SULF2: variants seen among roughly 807,000 people sequenced by gnomAD.
SULF2 encodes the protein sulfatase 2, also known as extracellular sulfatase Sulf-2.
SULF2 carries 52 observed loss-of-function variants against 107.7 expected under a neutral mutation model. That is an observed-to-expected ratio of 0.48 (90% confidence interval 0.39 to 0.61). The LOEUF is 0.61. Ranked by LOEUF, SULF2 falls within the 20% of genes least tolerant of loss-of-function variation. The pLI is 0.00. For synonymous variants in SULF2, 460 were observed against 464.3 expected (o/e 0.99, Z 0.12); for missense variants, 993 against 1,177.3 (o/e 0.84, Z 2.29).
chr20:47,731,105 C>A (rs533472546), intron 3 of SULF2, among the ~76,000 whole-genome samples: 49 of 151,960 alleles, frequency 3.2e-4, no homozygotes, highest in Non-Finnish European at 4.1e-4. Context: ...GCCACCATGT[C>A]CAGACCTCCA....
chr20:47,758,630 G>A (rs71351694), intron 1 of SULF2, among the ~76,000 whole-genome samples: 1 of 152,256 alleles, frequency 6.6e-6, no homozygotes, highest in South Asian at 2.1e-4. Flanking sequence ...GGGAGGTGGG[G>A]ACGCGACTCT....
intron 1 of SULF2, among the ~76,000 whole-genome samples, chr20:47,780,833 C>T (rs2122727104): frequency 6.6e-6 from 1 of 152,370 alleles, no homozygotes; most frequent in East Asian, 1.9e-4. Context: ...GGATTATAGG[C>T]ATGAGCCAGC....
At chr20:47,713,580 G>A (rs1246199414) in intron 3 of SULF2, among the ~76,000 whole-genome samples, 3 of 151,854 alleles carry the variant, frequency 2.0e-5, no homozygotes, top group Non-Finnish European at 4.4e-5. Context: ...AAATGAGATT[G>A]TGCATAAAGA....
chr20:47,742,037 G>A (rs540110458), intron 2 of SULF2, among the ~76,000 whole-genome samples: 2 of 152,324 alleles, frequency 1.3e-5, no homozygotes, highest in South Asian at 4.1e-4. Context: ...TGGCGGAGGA[G>A]CGCTGTGTCA....
intron 1 of SULF2, among the ~76,000 whole-genome samples, chr20:47,768,506 C>G (rs531012542): frequency 1.1e-3 from 169 of 152,352 alleles, no homozygotes; most frequent in Middle Eastern, 3.4e-3. Flanking sequence ...AGAGGGCTGA[C>G]TCCCGTGGCT....
intron 1 of SULF2, among the ~76,000 whole-genome samples, chr20:47,758,461 G>A (rs2090346256): frequency 6.6e-6 from 1 of 152,164 alleles, no homozygotes; most frequent in African/African-American, 2.4e-5. Flanking sequence ...GTGAGCCACT[G>A]TGCCCAGCCT....
chr20:47,760,060 C>A (rs2090384599), intron 1 of SULF2, among the ~76,000 whole-genome samples: 1 of 152,196 alleles, frequency 6.6e-6, no homozygotes, highest in African/African-American at 2.4e-5. Context: ...TTGGCAGGGC[C>A]GTGCCATAGC....
chr20:47,703,711 G>A (rs2088640431), intron 3 of SULF2, among the ~76,000 whole-genome samples: 1 of 152,186 alleles, frequency 6.6e-6, no homozygotes, highest in African/African-American at 2.4e-5. Context: ...TCAGGTACAA[G>A]ACATGACAGC....
At chr20:47,759,950 T>G (rs1262133593) in intron 1 of SULF2, among the ~76,000 whole-genome samples, 1 of 152,244 alleles carries the variant, frequency 6.6e-6, no homozygotes, top group African/African-American at 2.4e-5. Flanking sequence ...CTTATGTTAT[T>G]CATGGCTGTC....
intron 3 of SULF2, among the ~76,000 whole-genome samples, chr20:47,711,629 A>G (rs2088931806): frequency 6.6e-6 from 1 of 152,242 alleles, no homozygotes; most frequent in Non-Finnish European, 1.5e-5. Flanking sequence ...GGTAATCGAC[A>G]AACAGCTCTC....
chr20:47,756,134 A>G (rs2090276913), intron 2 of SULF2, among the ~76,000 whole-genome samples: 1 of 152,188 alleles, frequency 6.6e-6, no homozygotes, highest in Non-Finnish European at 1.5e-5. Context: ...TCGGGGCTAC[A>G]CAATGTGAGA....
At chr20:47,756,642 CTCA>C (rs1179178775) in intron 2 of SULF2, among the ~76,000 whole-genome samples, 1 of 136,230 alleles carries the variant, frequency 7.3e-6, no homozygotes, top group African/African-American at 2.9e-5. Flanking sequence ...AGGCTCATGT[CTCA>C]TCTTTTTTTT....
rs750761801 is a variant in SULF2 at position 47,666,406 on chromosome 20, C to A, written c.1659G>T (p.Leu553=). ...GGTTTCGGGGCTGGGCGGCATCACC[C>A]AGGCCTACGTGGTACACCCTGCCGT... ...EVDGRVYHVG[L]GDAAQPRNLT... is the part of the protein sequence containing the mutation. Residue 553 remains leucine, a synonymous_variant, in exon 12 of 21, where the codon CTG becomes CTT. Coordinates refer to ENST00000688720, the MANE Select transcript of SULF2 (RefSeq NM_001387048.1). This position sits in a 1 kb window ranked among gnomAD's most constrained non-coding sequence, Gnocchi z 5.4. 2.6e-5 allele frequency: 42 copies of A among 1,613,898 alleles called. No homozygotes were observed. Among genetic ancestry groups the A allele is most frequent in the Non-Finnish European group, 3.3e-5 (39 of 1,180,056 alleles).
At chr20:47,763,140 GACAA>G (rs2090451804) in intron 1 of SULF2, among the ~76,000 whole-genome samples, 1 of 151,996 alleles carries the variant, frequency 6.6e-6, no homozygotes, top group Non-Finnish European at 1.5e-5. Flanking sequence ...CCCTGCTGTG[GACAA>G]CACCTCTCCT....
At chr20:47,721,650 G>A (rs750755091) in intron 3 of SULF2, among the ~76,000 whole-genome samples, 1 of 152,174 alleles carries the variant, frequency 6.6e-6, no homozygotes, top group Non-Finnish European at 1.5e-5. Context: ...GATTACAGGC[G>A]TGAGCTACTG....
chr20:47,736,289 C>T (rs1156922720), intron 3 of SULF2, among the ~76,000 whole-genome samples: 3 of 152,170 alleles, frequency 2.0e-5, no homozygotes, highest in Non-Finnish European at 4.4e-5. Context: ...ATTATCTGTT[C>T]CCCTCCATGA....
chr20:47,676,259 C>T (rs2087635984), intron 10 of SULF2, among the ~76,000 whole-genome samples: 1 of 152,180 alleles, frequency 6.6e-6, no homozygotes, highest in Non-Finnish European at 1.5e-5. Context: ...ATACACACAC[C>T]CACGGGACAC....
intron 4 of SULF2, among the ~76,000 whole-genome samples, chr20:47,690,666 T>C (rs1305119396): frequency 2.0e-5 from 3 of 151,992 alleles, no homozygotes; most frequent in African/African-American, 7.3e-5. Context: ...TGAGGTCAGT[T>C]TGAGACCAGC....
intron 9 of SULF2, 92 bp from the exon 10 acceptor site, chr20:47,676,715 C>T (rs2087653781): frequency 4.7e-6 from 7 of 1,477,984 alleles, no homozygotes; most frequent in Non-Finnish European, 6.3e-6. Flanking sequence ...GGTGCCCCCT[C>T]GGCTCCGGCT....
Sources: allele counts gnomAD v4.1 joint callset (sites outside exome capture counted in the v4.1 genomes callset), GRCh38; gene constraint gnomAD v4.1.1; non-coding constraint Gnocchi (gnomAD v3.1); transcripts MANE v1.5; gene names NCBI Gene and HGNC (gene_info 2026-07-23, HGNC 2026-07-21).